ABTB2: variants seen among roughly 807,000 people sequenced by gnomAD.
ABTB2 encodes ankyrin repeat and BTB domain containing 2.
ABTB2 carries 56 observed loss-of-function variants against 104.1 expected under a neutral mutation model. That is an observed-to-expected ratio of 0.54 (90% CI 0.43 to 0.67). The LOEUF (loss-of-function observed/expected upper bound fraction) is 0.67. Among genes scored for constraint, ABTB2 ranks in the 30% least tolerant of loss-of-function variants. The pLI is 0.00. For missense variants in ABTB2, 1,279 were observed against 1,407.7 expected (o/e 0.91, Z 1.46); for synonymous variants, 606 against 608.2 (o/e 1.00, Z 0.05).
At chr11:34,327,387 G>A (rs948645997) in intron 1 of ABTB2, among the ~76,000 whole-genome samples, 6 of 152,144 alleles carry the variant, frequency 3.9e-5, no homozygotes, top group Admixed American at 3.3e-4. Context: ...GAGCAATTCA[G>A]GAAGATCCTC....
At chr11:34,304,141 G>A (rs1288306446) in intron 1 of ABTB2, among the ~76,000 whole-genome samples, 3 of 152,162 alleles carry the variant, frequency 2.0e-5, no homozygotes, top group Non-Finnish European at 2.9e-5. Flanking sequence ...GGTCCATGCT[G>A]TATATGCTAT....
chr11:34,162,735 G>T lies in ABTB2; in HGVS notation c.2059C>A (p.Leu687Met). Reference sequence around the variant, plus strand: ...TCACTTTCCTCCACACCCTCGGCCAGGATCTCCTCCAGGGACAGCACGTCC... The same window carrying T: ...TCACTTTCCTCCACACCCTCGGCCATGATCTCCTCCAGGGACAGCACGTCC... ...KADVLSLEEI[L>M]AEGVEESDAS... The change falls in exon 10 of 17, where the codon CTG becomes ATG. Residue 687 changes from leucine (L) to methionine (M), a missense_variant. By Grantham distance (15) the Leu-to-Met change is conservative. Transcript: ENST00000435224. The T allele has an allele frequency of 6.2e-7, 1 of 1,611,406 alleles. No homozygotes were observed.
chr11:34,190,652 T>C (rs1336941762), intron 3 of ABTB2, among the ~76,000 whole-genome samples: 2 of 152,234 alleles, frequency 1.3e-5, no homozygotes, highest in Non-Finnish European at 2.9e-5. Context: ...GTAATGCTGG[T>C]AGTAGCAGTA....
Position 34,230,533 on chromosome 11 carries a change from G to A in ABTB2, c.884-25843C>T, listed in dbSNP as rs181812321. Among the ~76,000 whole-genome samples the A allele has an allele frequency of 8.9e-4, 135 of 152,250 alleles. 1 individual carries two copies. Among genetic ancestry groups the A allele is most frequent in the Middle Eastern group, 6.8e-3 (2 of 294 alleles). On this transcript the variant is annotated intron_variant, in intron 1 of 16. Coordinates refer to ENST00000435224, the MANE Select transcript of ABTB2 (RefSeq NM_145804.3). ...TGGTACCTGGAACAAGGACATGGAC[G>A]GGGAAGGCTCTGGTAAGTTGACGAT...
intron 1 of ABTB2, among the ~76,000 whole-genome samples, chr11:34,328,920 C>G (rs1590258355): frequency 1.3e-5 from 2 of 152,320 alleles, no homozygotes; most frequent in South Asian, 2.1e-4. Flanking sequence ...TAATAATTGT[C>G]AACACTCAGT....
chr11:34,171,163 T>G (rs1411887705), intron 4 of ABTB2, 92 bp from the exon 5 acceptor site: 13 of 1,362,718 alleles, frequency 9.5e-6, no homozygotes, highest in Non-Finnish European at 7.0e-6. Flanking sequence ...ACGTGTAGAG[T>G]GAGGATGAGG....
intron 1 of ABTB2, among the ~76,000 whole-genome samples, chr11:34,346,226 T>C (rs1391924890): frequency 6.6e-6 from 1 of 152,220 alleles, no homozygotes; most frequent in Non-Finnish European, 1.5e-5. Context: ...TTCCTCACAA[T>C]GCCTGTCTCT....
chr11:34,196,507 T>C (rs928472101), intron 3 of ABTB2, among the ~76,000 whole-genome samples: 2 of 152,166 alleles, frequency 1.3e-5, no homozygotes, highest in African/African-American at 4.8e-5. Flanking sequence ...TGAGCCAAGA[T>C]TGTGCCATTG....
intron 1 of ABTB2, among the ~76,000 whole-genome samples, chr11:34,316,751 CAG>C (rs1406049399): frequency 6.6e-6 from 1 of 152,186 alleles, no homozygotes; most frequent in Admixed American, 6.5e-5. Flanking sequence ...ACTGCACACA[CAG>C]AGTTTCCAAG....
In ABTB2 at chr11:34,160,984, G is replaced by C; in HGVS notation, c.2316C>G (p.Ser772Arg). The C allele has an allele frequency of 6.2e-7, 1 of 1,613,854 alleles. No homozygotes were observed. Among genetic ancestry groups the C allele is most frequent in the Non-Finnish European group, 8.5e-7 (1 of 1,179,932 alleles). ...SVVQSLLRDF[S>R]SIREEEYNEE... ...CGTTGTACTCCTCCTCTCTGATGGAGCTGAAGTCCCGCAGGAGGCTCTGCA... is the reference window on the plus strand; with the variant it reads ...CGTTGTACTCCTCCTCTCTGATGGACCTGAAGTCCCGCAGGAGGCTCTGCA... The change falls in exon 11 of 17, where the codon AGC (serine) becomes AGG (arginine). Residue 772 changes from serine to arginine, a missense_variant. Physicochemically the swap from Ser to Arg is moderately radical, Grantham distance 110. Transcript: ENST00000435224.
intron 1 of ABTB2, among the ~76,000 whole-genome samples, chr11:34,316,957 A>G (rs1854939844): frequency 6.6e-6 from 1 of 152,214 alleles, no homozygotes; most frequent in Admixed American, 6.5e-5. Flanking sequence ...GATCTGGACG[A>G]AACACTCCAG....
intron 1 of ABTB2, among the ~76,000 whole-genome samples, chr11:34,217,666 T>G (rs938010072): frequency 1.3e-5 from 2 of 152,192 alleles, no homozygotes; most frequent in Non-Finnish European, 2.9e-5. Context: ...TTCTCCATGT[T>G]GGCCAGGCTG....
chr11:34,290,214 TTA>T (rs1854551757), intron 1 of ABTB2, among the ~76,000 whole-genome samples: 1 of 152,252 alleles, frequency 6.6e-6, no homozygotes, highest in Non-Finnish European at 1.5e-5. Context: ...TCTTTCTAGA[TTA>T]CATTTGTATC....
At chr11:34,267,054 G>T (rs1007588185) in intron 1 of ABTB2, among the ~76,000 whole-genome samples, 3 of 152,148 alleles carry the variant, frequency 2.0e-5, no homozygotes, top group African/African-American at 7.2e-5. Context: ...TGCTGGTGGA[G>T]GTAGGAGAGG....
In ABTB2 at chr11:34,300,978, C is replaced by T. The variant is rs144337199; in HGVS notation, c.883+55723G>A. The stretch of plus-strand genomic sequence containing the variant: ...GGCAGAGGAGGATCCATCTAGTTCC[C>T]GTGGGTAGATATAATTGTCTTTAAT... On this transcript the variant is annotated intron_variant, in intron 1 of 16. Coordinates refer to ENST00000435224, the MANE Select transcript of ABTB2 (RefSeq NM_145804.3). Among the ~76,000 whole-genome samples, 465 of 152,254 alleles carry T rather than the reference C, an allele frequency of 3.1e-3. 5 individuals are homozygous for T. Among genetic ancestry groups the T allele is most frequent in the Non-Finnish European group, 2.3e-3 (158 of 68,032 alleles).
chr11:34,346,109 T>A (rs1204865344), intron 1 of ABTB2, among the ~76,000 whole-genome samples: 1 of 152,164 alleles, frequency 6.6e-6, no homozygotes, highest in Non-Finnish European at 1.5e-5. Context: ...CAGCCTGTCA[T>A]CCTCAGTTAC....
chr11:34,284,093 T>C (rs1854477449), intron 1 of ABTB2, among the ~76,000 whole-genome samples: 1 of 152,216 alleles, frequency 6.6e-6, no homozygotes, highest in East Asian at 1.9e-4. Flanking sequence ...AGAGTCTGCA[T>C]TTCTAACGAG....
intron 1 of ABTB2, among the ~76,000 whole-genome samples, chr11:34,312,768 A>G (rs1001553599): frequency 2.6e-5 from 4 of 152,134 alleles, no homozygotes; most frequent in Non-Finnish European, 5.9e-5. Flanking sequence ...GGGTGCAATC[A>G]TGGCTCACTG....
intron 1 of ABTB2, among the ~76,000 whole-genome samples, chr11:34,282,915 CT>C (rs1278084688): frequency 2.3e-4 from 33 of 142,418 alleles, no homozygotes; most frequent in Admixed American, 2.8e-4. Flanking sequence ...AAGTCTTTTT[CT>C]TTTTTTTTTT....
Sources: allele counts gnomAD v4.1 joint callset (sites outside exome capture counted in the v4.1 genomes callset), GRCh38; gene constraint gnomAD v4.1.1; transcripts MANE v1.5; gene names NCBI Gene and HGNC (gene_info 2026-07-23, HGNC 2026-07-21).